Variants in VIPAS39 observed in about 807,000 individuals in gnomAD.
The protein encoded by VIPAS39 is spermatogenesis-defective protein 39 homolog.
VIPAS39 carries 63 observed loss-of-function variants against 84.7 expected under a neutral mutation model. The ratio of observed to expected loss-of-function variants is 0.74; its 90% CI spans 0.61 to 0.92. The LOEUF (loss-of-function observed/expected upper bound fraction) is 0.92. Among genes scored for constraint, VIPAS39 ranks in the 40% least tolerant of loss-of-function variants. The pLI is 0.00. For missense variants in VIPAS39, 499 were observed against 604.5 expected, an observed-to-expected ratio of 0.83 and a Z score of 1.83; for synonymous variants, 192 against 216.5, an observed-to-expected ratio of 0.89 and a Z score of 0.99.
At chr14:77,450,580 G>A (rs1047720072) in intron 4 of VIPAS39, among the ~76,000 whole-genome samples, 6 of 152,084 alleles carry the variant, frequency 3.9e-5, no homozygotes, top group African/African-American at 7.2e-5. Context: ...GTGCAATCTC[G>A]GTTCACTACA....
chr14:77,437,937 A>G, intron 11 of VIPAS39, 56 bp from the exon 12 acceptor site: 1 of 1,558,554 alleles, frequency 6.4e-7, no homozygotes, highest in South Asian at 1.1e-5. Flanking sequence ...TGAGGGAGAT[A>G]GCTGATTAAC....
At position 77,442,311 on chromosome 14, in the gene VIPAS39, A is replaced by G. The variant is rs575548468; in HGVS notation, c.734+249T>C. On this transcript the variant is annotated intron_variant, in intron 10 of 19. Coordinates refer to ENST00000557658, the MANE Select transcript of VIPAS39 (RefSeq NM_001193315.2). ...TTGATAACTTGGCCAAGGTCACTCA[A>G]TGAATGATGTGGGAGACCTATAATA... 2.5e-4 allele frequency among the ~76,000 whole-genome samples: 38 copies of G among 152,316 alleles called. No homozygotes were observed. In the South Asian group the frequency reaches 6.4e-3, roughly 26 times the overall value.
At chr14:77,457,406 G>T in intron 1 of VIPAS39, 89 bp downstream of exon 1, 1 of 1,535,378 alleles carries the variant, frequency 6.5e-7, no homozygotes, top group Non-Finnish European at 8.7e-7. Flanking sequence ...AGGGTGTAGG[G>T]ATGCCTCCTA....
intron 1 of VIPAS39, chr14:77,457,247 C>A: frequency 6.5e-7 from 1 of 1,532,866 alleles, no homozygotes; most frequent in Non-Finnish European, 8.7e-7. Flanking sequence ...CAGAGCCCAG[C>A]GGATCCCTGG....
chr14:77,441,320 T>G, intron 10 of VIPAS39: 2 of 522,412 alleles, frequency 3.8e-6, no homozygotes, highest in Non-Finnish European at 6.9e-6. Context: ...TTAACAGTTC[T>G]GACAGGGAGG....
rs755387411 is a variant in VIPAS39 at position 77,443,239 on chromosome 14, T to C, written c.598-87A>G. 9 of 1,499,588 alleles carry C rather than the reference T, an allele frequency of 6.0e-6. No homozygotes were observed. The South Asian group carries it at 1.0e-4, about 17-fold the overall frequency. The allele number at this position is 1,499,588 out of a possible 1,614,324, so 92.9% of individuals were successfully genotyped here. ...TACAGACACGGGGCCAGCAACTCAT[T>C]AGCAATCTCTGAAGGTATAGCCAAC... On this transcript the variant is annotated intron_variant, in intron 8 of 19. Transcript: ENST00000557658.
chr14:77,456,234 G>A (rs2078958265), intron 1 of VIPAS39, among the ~76,000 whole-genome samples: 1 of 152,140 alleles, frequency 6.6e-6, no homozygotes, highest in South Asian at 2.1e-4. Flanking sequence ...GTTAATACAT[G>A]TAAAGTGCTT....
At chr14:77,439,097 C>A (rs942687143) in intron 11 of VIPAS39, among the ~76,000 whole-genome samples, 16 of 152,088 alleles carry the variant, frequency 1.1e-4, no homozygotes, top group Admixed American at 7.9e-4. Context: ...ACATGGGAAA[C>A]CTTCATATTC....
At chr14:77,435,690 T>C (rs1202219064) in intron 13 of VIPAS39, among the ~76,000 whole-genome samples, 154 bp downstream of exon 13, 2 of 151,926 alleles carry the variant, frequency 1.3e-5, no homozygotes, top group South Asian at 2.1e-4. Context: ...CTAAAAACAA[T>C]GGAGGAAGGG....
intron 10 of VIPAS39, 115 bp downstream of exon 10, chr14:77,442,445 T>G: frequency 1.1e-6 from 1 of 886,302 alleles, no homozygotes; most frequent in East Asian, 2.4e-5. Flanking sequence ...CAATAGCTTG[T>G]CTTCCAAGCA....
intron 16 of VIPAS39, among the ~76,000 whole-genome samples, chr14:77,432,389 T>A (rs977693076): frequency 6.6e-6 from 1 of 152,132 alleles, no homozygotes; most frequent in Admixed American, 6.5e-5. Flanking sequence ...TAAACAGAAC[T>A]ACTATATGAT....
chr14:77,437,797 C>A lies in VIPAS39; in HGVS notation c.836+11G>T. On this transcript the variant is annotated intron_variant, in intron 12 of 19. Transcript: ENST00000557658. Reference sequence around the variant, plus strand: ...TATTTATACTTAAAATCATTTTTCCCCCATACTTACCCAACACAGGTTTTA... The same window carrying A: ...TATTTATACTTAAAATCATTTTTCCACCATACTTACCCAACACAGGTTTTA... The A allele has an allele frequency of 6.2e-7, 1 of 1,613,150 alleles. No homozygotes were observed. Among genetic ancestry groups the A allele is most frequent in the Non-Finnish European group, 8.5e-7 (1 of 1,179,226 alleles).
intron 7 of VIPAS39, among the ~76,000 whole-genome samples, chr14:77,445,247 C>A (rs879423574): frequency 6.6e-6 from 1 of 152,246 alleles, no homozygotes; most frequent in Non-Finnish European, 1.5e-5. Context: ...GCGTGAGCCA[C>A]CATGCCCAGC....
intron 13 of VIPAS39, 138 bp downstream of exon 13, chr14:77,435,706 T>C: frequency 4.0e-6 from 4 of 989,298 alleles, no homozygotes; most frequent in Non-Finnish European, 6.4e-6. Flanking sequence ...AAGGGGGCTA[T>C]TGTGTACAGG....
intron 8 of VIPAS39, 93 bp downstream of exon 8, chr14:77,444,156 A>ACATTTAACACAAAAT (rs2139831779): frequency 2.3e-6 from 3 of 1,286,588 alleles, no homozygotes; most frequent in Non-Finnish European, 3.3e-6. Context: ...TCTTTACTTA[A>ACATTTAACACAAAAT]CATTTAACAC....
At chr14:77,454,177 G>A (rs1412434581) in intron 1 of VIPAS39, 75 bp from the exon 2 acceptor site, 3 of 1,356,722 alleles carry the variant, frequency 2.2e-6, no homozygotes, top group South Asian at 1.2e-5. Flanking sequence ...TTAGTTTCCT[G>A]CACCACTAAC....
In VIPAS39 at chr14:77,453,254, A is replaced by G. The variant is rs753818531; in HGVS notation, c.196+45T>C. The G allele has an allele frequency of 1.9e-6, 3 of 1,578,584 alleles. No homozygotes were observed. In the East Asian group the frequency reaches 6.7e-5, roughly 35 times the overall value. ...AACAAGTAGAGCCTTTATCAGTGAT[A>G]AGAATCCTCAACATCTATCCCTGCC... is the stretch of plus-strand genomic sequence containing the variant. On this transcript the variant is annotated intron_variant, in intron 3 of 19. Transcript: ENST00000557658.
At position 77,433,947 on chromosome 14, in the gene VIPAS39, C is replaced by T. The variant is rs1359862699; in HGVS notation, c.1090-16G>A. On this transcript the variant is annotated splice_polypyrimidine_tract_variant and intron_variant, in intron 15 of 19. Coordinates refer to ENST00000557658, the MANE Select transcript of VIPAS39 (RefSeq NM_001193315.2). ...TATCTGGGATCTGGAAAGCAGAGAC[C>T]GAGAAAAATTAAGGGGAAGTAGAAA... is the stretch of plus-strand genomic sequence containing the variant. The T allele has an allele frequency of 3.1e-6, 5 of 1,612,926 alleles. No individual in the cohort carries two copies. The highest frequency in any genetic ancestry group is 3.4e-6 in the Non-Finnish European group (4 of 1,179,356).
chr14:77,433,829 G>C lies in VIPAS39; in HGVS notation c.1179+13C>G, dbSNP rs146288421. 8.5e-3 allele frequency: 13,760 copies of C among 1,613,408 alleles called. 160 individuals are homozygous for C. Among genetic ancestry groups the C allele is most frequent in the South Asian group, 0.038 (3,437 of 91,010 alleles). On this transcript the variant is annotated intron_variant, in intron 16 of 19. Transcript: ENST00000557658. The stretch of plus-strand genomic sequence containing the variant: ...CTCCCAAGGCCTCAGCAGCACAGGG[G>C]CAGGGCACACACCTTTGTGGTGAAT...
Sources: allele counts gnomAD v4.1 joint callset (sites outside exome capture counted in the v4.1 genomes callset), GRCh38; gene constraint gnomAD v4.1.1; transcripts MANE v1.5; gene names NCBI Gene and HGNC (gene_info 2026-07-23, HGNC 2026-07-21).